DYM: variants seen among roughly 807,000 people sequenced by gnomAD.
The protein encoded by DYM is dyggve-Melchior-Clausen syndrome protein.
A neutral mutation model predicts 93.1 loss-of-function variants in DYM; 78 were observed. The ratio of observed to expected loss-of-function variants is 0.84; its 90% CI spans 0.70 to 1.01. DYM has a LOEUF of 1.01. DYM is among the 50% of genes least tolerant of loss of function. The pLI, the probability that DYM is intolerant of heterozygous loss-of-function variation, is 0.00. For synonymous variants in DYM, 321 were observed against 319.7 expected, an observed-to-expected ratio of 1.00 and a Z score of -0.04; for missense variants, 789 against 845.0, an observed-to-expected ratio of 0.93 and a Z score of 0.82.
At chr18:49,221,753 T>C (rs2093366950) in intron 13 of DYM, among the ~76,000 whole-genome samples, 2 of 151,840 alleles carry the variant, frequency 1.3e-5, no homozygotes. Flanking sequence ...CTGGGGACTG[T>C]TGTGGGGTGG....
At chr18:49,093,060 C>T (rs2079201873) in intron 17 of DYM, among the ~76,000 whole-genome samples, 1 of 152,070 alleles carries the variant, frequency 6.6e-6, no homozygotes, top group Admixed American at 6.5e-5. Context: ...GTTAATTTAC[C>T]CCACGAATAT....
intron 6 of DYM, among the ~76,000 whole-genome samples, chr18:49,338,354 T>A (rs1368985219): frequency 6.6e-6 from 1 of 152,200 alleles, no homozygotes; most frequent in East Asian, 1.9e-4. Flanking sequence ...CTACCCAGAT[T>A]AATACAGAAA....
At chr18:49,353,807 T>C (rs1427207023) in intron 6 of DYM, among the ~76,000 whole-genome samples, 1 of 151,984 alleles carries the variant, frequency 6.6e-6, no homozygotes, top group Non-Finnish European at 1.5e-5. Flanking sequence ...ATATTCTATA[T>C]TCATGGATAG....
In DYM at chr18:49,396,550, G is replaced by T. The variant is rs545461539; in HGVS notation, c.141-4905C>A. 2.0e-4 allele frequency among the ~76,000 whole-genome samples: 30 copies of T among 152,252 alleles called. No individual in the cohort carries two copies. The South Asian group carries it at 5.8e-3, about 29-fold the overall frequency. ...GGATTTTAGAGCATTCTGGATTTCA[G>T]ATTTTTGGATTAGGGATACTCAACC... On this transcript the variant is annotated intron_variant, in intron 2 of 17. Transcript: ENST00000675505.
At chr18:49,201,004 G>A (rs532742272) in intron 14 of DYM, among the ~76,000 whole-genome samples, 1 of 152,064 alleles carries the variant, frequency 6.6e-6, no homozygotes, top group Non-Finnish European at 1.5e-5. Flanking sequence ...CCAGAATCAC[G>A]TATTATGCTA....
intron 5 of DYM, among the ~76,000 whole-genome samples, chr18:49,376,592 G>T (rs1038702183): frequency 7.9e-5 from 12 of 152,198 alleles, no homozygotes; most frequent in African/African-American, 2.4e-4. Context: ...CTTGCACACA[G>T]CATTGCTATG....
chr18:49,454,628 G>A (rs1295874975), intron 1 of DYM, among the ~76,000 whole-genome samples: 9 of 152,040 alleles, frequency 5.9e-5, no homozygotes, highest in South Asian at 2.1e-4. Flanking sequence ...GGCCGGGTGC[G>A]GTGGCTCAGG....
chr18:49,127,983 G>A, intron 15 of DYM, among the ~76,000 whole-genome samples: 1 of 152,204 alleles, frequency 6.6e-6, no homozygotes, highest in South Asian at 2.1e-4. Context: ...CTTGGATGTG[G>A]TTTGAATGTG....
chr18:49,439,042 A>C lies in DYM; in HGVS notation c.-53-8595T>G, dbSNP rs1568446676. 2.0e-5 allele frequency among the ~76,000 whole-genome samples: 3 copies of C among 152,192 alleles called. No homozygotes were observed. In the East Asian group the frequency reaches 5.8e-4, roughly 29 times the overall value. ...CTTGGCTTCCAGCTCTTCTTTCTCTAAATCTGTCAGTAACTGATCCCATCT... is the reference window on the plus strand; with the variant it reads ...CTTGGCTTCCAGCTCTTCTTTCTCTCAATCTGTCAGTAACTGATCCCATCT... On this transcript the variant is annotated intron_variant, in intron 1 of 17. Coordinates refer to ENST00000675505, the MANE Select transcript of DYM (RefSeq NM_001353214.3).
intron 13 of DYM, among the ~76,000 whole-genome samples, chr18:49,215,545 G>A (rs996706679): frequency 6.6e-6 from 1 of 152,058 alleles, no homozygotes; most frequent in Non-Finnish European, 1.5e-5. Flanking sequence ...TTGATACTGG[G>A]CTGGCCATTC....
chr18:49,155,899 T>C (rs1270227509), intron 15 of DYM, among the ~76,000 whole-genome samples: 1 of 152,210 alleles, frequency 6.6e-6, no homozygotes, highest in East Asian at 1.9e-4. Context: ...TAGACATATG[T>C]TTTCAATTCA....
chr18:49,426,754 CATGTGTGTGT>C (rs911356443), intron 2 of DYM, among the ~76,000 whole-genome samples: 7 of 36,412 alleles, frequency 1.9e-4, no homozygotes, highest in Admixed American at 9.0e-4. Flanking sequence ...CACTGGAAAA[CATGTGTGTGT>C]GTGTGTGTGT....
At chr18:49,389,653 T>C (rs1296610570) in intron 3 of DYM, among the ~76,000 whole-genome samples, 7 of 152,006 alleles carry the variant, frequency 4.6e-5, no homozygotes, top group Non-Finnish European at 1.0e-4. Flanking sequence ...CATGCCACCA[T>C]GCCTGGTTAA....
intron 14 of DYM, among the ~76,000 whole-genome samples, chr18:49,196,015 C>G (rs1361189717): frequency 1.4e-5 from 2 of 148,062 alleles, no homozygotes; most frequent in African/African-American, 5.1e-5. Flanking sequence ...CCTTCACCTC[C>G]CGGGTTCAAG....
At chr18:49,101,547 G>C (rs1371262183) in intron 16 of DYM, among the ~76,000 whole-genome samples, 1 of 152,178 alleles carries the variant, frequency 6.6e-6, no homozygotes, top group Non-Finnish European at 1.5e-5. Flanking sequence ...TTCTGGAGTA[G>C]AGGAGAATAA....
intron 6 of DYM, among the ~76,000 whole-genome samples, chr18:49,337,798 G>A (rs1029302199): frequency 6.6e-6 from 1 of 152,150 alleles, no homozygotes; most frequent in Non-Finnish European, 1.5e-5. Context: ...TTCTGCCTGG[G>A]TCAGAAGGGA....
intron 11 of DYM, 37 bp downstream of exon 11, chr18:49,272,141 G>C (rs1336747642): frequency 6.3e-7 from 1 of 1,597,378 alleles, no homozygotes; most frequent in Non-Finnish European, 8.6e-7. Context: ...TGTCTGTTCT[G>C]TTAACTCTAA....
At chr18:49,109,119 T>C (rs1384774024) in intron 16 of DYM, among the ~76,000 whole-genome samples, 5 of 152,194 alleles carry the variant, frequency 3.3e-5, no homozygotes, top group African/African-American at 1.2e-4. Flanking sequence ...GGTGGGTTTC[T>C]TATAGACAGC....
At chr18:49,377,540 A>G (rs2067620485) in intron 5 of DYM, among the ~76,000 whole-genome samples, 1 of 152,186 alleles carries the variant, frequency 6.6e-6, no homozygotes, top group Admixed American at 6.5e-5. Context: ...AGCCTGGGCA[A>G]CAGAGCGAGA....
Sources: allele counts gnomAD v4.1 joint callset (sites outside exome capture counted in the v4.1 genomes callset), GRCh38; gene constraint gnomAD v4.1.1; transcripts MANE v1.5; gene names NCBI Gene and HGNC (gene_info 2026-07-23, HGNC 2026-07-21).